The following PCDH15 variants were observed in gnomAD, a reference collection of about 807,000 sequenced individuals.
PCDH15 encodes the protein protocadherin-15.
Under a neutral mutation model 178.5 loss-of-function variants are expected in PCDH15, and 129 were observed. The ratio of observed to expected loss-of-function variants is 0.72; its 90% CI spans 0.63 to 0.84. The LOEUF (loss-of-function observed/expected upper bound fraction) is 0.84, where lower values mean the gene tolerates loss of function less well. Ranked by LOEUF, PCDH15 falls within the 40% of genes least tolerant of loss-of-function variation. The probability of loss-of-function intolerance (pLI) is 0.00; values close to 1 mark genes in which losing one functional copy is unlikely to be tolerated. For missense variants in PCDH15, 2,230 were observed against 2,099.9 expected (o/e 1.06, Z -1.21); for synonymous variants, 800 against 732.0 (o/e 1.09, Z -1.50).
rs10763117 is a variant in PCDH15, at chr10:54,572,381, T to A, written c.92-44504A>T. On this transcript the variant is annotated intron_variant, in intron 2 of 37. Transcript: ENST00000644397. The stretch of plus-strand genomic sequence containing the variant: ...GAATCACAAAGAGCTGACTCCACCT[T>A]GAGTTTGCCTTCTAGAAACAGAAAA... 3.9e-5 allele frequency among the ~76,000 whole-genome samples: 6 copies of A among 152,044 alleles called. No individual in the cohort carries two copies. In the South Asian group the frequency reaches 1.2e-3, roughly 31 times the overall value.
At chr10:55,544,104 C>T (rs1841822170) in intron 2 of PCDH15, among the ~76,000 whole-genome samples, 1 of 136,762 alleles carries the variant, frequency 7.3e-6, no homozygotes, top group Non-Finnish European at 1.5e-5. Flanking sequence ...TGAGTTTAAA[C>T]ATATTGCTCC....
chr10:55,134,188 G>A (rs974678650), intron 2 of PCDH15, among the ~76,000 whole-genome samples: 1 of 151,986 alleles, frequency 6.6e-6, no homozygotes, highest in African/African-American at 2.4e-5. Flanking sequence ...CAGCTATAGG[G>A]GGAGCCTTGC....
At chr10:54,423,420 C>T (rs529094583) in intron 3 of PCDH15, among the ~76,000 whole-genome samples, 16 of 151,794 alleles carry the variant, frequency 1.1e-4, no homozygotes, top group Admixed American at 5.9e-4. Context: ...AGAGGGAAGA[C>T]ATATTTGTCT....
intron 3 of PCDH15, among the ~76,000 whole-genome samples, chr10:54,818,665 C>T (rs973754101): frequency 2.0e-5 from 3 of 152,026 alleles, no homozygotes; most frequent in African/African-American, 4.8e-5. Context: ...TACATGAAGA[C>T]AATGATATGC....
intron 15 of PCDH15, among the ~76,000 whole-genome samples, chr10:54,097,889 A>G (rs1226296067): frequency 6.6e-6 from 1 of 152,168 alleles, no homozygotes; most frequent in Admixed American, 6.5e-5. Flanking sequence ...CTTCTCCCTG[A>G]TTTATTAGAC....
At chr10:54,440,470 T>C (rs1456709803) in intron 3 of PCDH15, among the ~76,000 whole-genome samples, 1 of 151,966 alleles carries the variant, frequency 6.6e-6, no homozygotes, top group Non-Finnish European at 1.5e-5. Context: ...ATTTCATCAA[T>C]CAACAAATAA....
At chr10:55,163,903 G>A (rs1441146184) in intron 2 of PCDH15, among the ~76,000 whole-genome samples, 1 of 152,138 alleles carries the variant, frequency 6.6e-6, no homozygotes, top group African/African-American at 2.4e-5. Flanking sequence ...TAACTGTTAA[G>A]TATACTCAGT....
At chr10:54,349,481 A>T (rs1943837765) in intron 5 of PCDH15, among the ~76,000 whole-genome samples, 1 of 152,196 alleles carries the variant, frequency 6.6e-6, no homozygotes, top group Non-Finnish European at 1.5e-5. Flanking sequence ...TATTGAAAAG[A>T]TCAATGTTTT....
chr10:54,787,341 G>A (rs1436803924), intron 1 of PCDH15, among the ~76,000 whole-genome samples: 1 of 151,710 alleles, frequency 6.6e-6, no homozygotes, highest in Non-Finnish European at 1.5e-5. Flanking sequence ...TATATAAAGT[G>A]TATGATACAA....
chr10:54,401,721 T>A (rs1951958697), intron 3 of PCDH15, among the ~76,000 whole-genome samples: 1 of 151,870 alleles, frequency 6.6e-6, no homozygotes, highest in Non-Finnish European at 1.5e-5. Flanking sequence ...CAATAAAAAT[T>A]TCATCAATTT....
chr10:55,104,030 A>G (rs1279427217), intron 2 of PCDH15, among the ~76,000 whole-genome samples: 4 of 152,030 alleles, frequency 2.6e-5, no homozygotes, highest in African/African-American at 9.7e-5. Flanking sequence ...GTTTATAGAT[A>G]AGGGCAGTCT....
chr10:54,550,437 C>T (rs1014262047), intron 2 of PCDH15, among the ~76,000 whole-genome samples: 1 of 151,988 alleles, frequency 6.6e-6, no homozygotes, highest in Admixed American at 6.6e-5. Context: ...CCATTATTTT[C>T]TTGAGCCAGT....
At chr10:54,403,753 C>A (rs1389118651) in intron 3 of PCDH15, among the ~76,000 whole-genome samples, 1 of 151,816 alleles carries the variant, frequency 6.6e-6, no homozygotes, top group Non-Finnish European at 1.5e-5. Flanking sequence ...TCTCAGGATA[C>A]AAAATCAACG....
chr10:54,702,403 A>T (rs565800172), intron 1 of PCDH15, among the ~76,000 whole-genome samples: 5 of 151,966 alleles, frequency 3.3e-5, no homozygotes, highest in Admixed American at 1.3e-4. Flanking sequence ...CCTGAAAACC[A>T]TACAAAAGAT....
At chr10:54,764,185 T>C (rs1415580322) in intron 1 of PCDH15, among the ~76,000 whole-genome samples, 1 of 152,078 alleles carries the variant, frequency 6.6e-6, no homozygotes, top group Non-Finnish European at 1.5e-5. Context: ...AGGCACAAAC[T>C]GATCAAAAAT....
At chr10:55,484,317 A>T (rs1268799180) in intron 2 of PCDH15, among the ~76,000 whole-genome samples, 1 of 151,794 alleles carries the variant, frequency 6.6e-6, no homozygotes, top group Non-Finnish European at 1.5e-5. Flanking sequence ...GATAAAATTT[A>T]TAAAAGTTGT....
chr10:55,471,452 G>T (rs868761260), intron 2 of PCDH15, among the ~76,000 whole-genome samples: 35 of 152,214 alleles, frequency 2.3e-4, no homozygotes, highest in Middle Eastern at 3.4e-3. Context: ...AGTTTACGCA[G>T]GGACAGTTCA....
intron 3 of PCDH15, among the ~76,000 whole-genome samples, chr10:54,862,365 T>C (rs1953857765): frequency 6.6e-6 from 1 of 152,210 alleles, no homozygotes; most frequent in South Asian, 2.1e-4. Flanking sequence ...TACAACAATA[T>C]AAAACCTCAT....
intron 15 of PCDH15, among the ~76,000 whole-genome samples, chr10:54,099,513 A>AATAT (rs1554965277): frequency 2.5e-4 from 30 of 117,882 alleles, no homozygotes; most frequent in Middle Eastern, 5.2e-3. Flanking sequence ...AAAAAAAAAA[A>AATAT]ATATATATAT....
Sources: gnomAD v4.1 joint callset for allele counts (sites outside exome capture counted in the v4.1 genomes callset) on GRCh38, gnomAD v4.1.1 for gene constraint, MANE v1.5 for transcripts, NCBI Gene and HGNC (gene_info 2026-07-23, HGNC 2026-07-21) for gene names.